The following NEBL variants were observed in gnomAD, a reference collection of about 807,000 sequenced individuals.
The protein encoded by NEBL is nebulette, also known as LIM and SH3 protein 2.
In NEBL, 122 loss-of-function variants were observed where a neutral mutation model predicts 140.2. The observed-to-expected ratio is 0.87, with a 90% confidence interval of 0.75 to 1.01. The LOEUF is 1.01. NEBL is among the 50% of genes least tolerant of loss of function. The pLI is 0.00. For missense variants in NEBL, 1,365 were observed against 1,231.3 expected, an observed-to-expected ratio of 1.11 and a Z score of -1.62; for synonymous variants, 436 against 398.9, an observed-to-expected ratio of 1.09 and a Z score of -1.11.
In NEBL at chr10:21,173,126, C is replaced by T. The variant is rs55772855; in HGVS notation, c.69+639G>A. On this transcript the variant is annotated intron_variant, in intron 1 of 6. Coordinates refer to the NEBL transcript ENST00000417816. This position sits in a 1 kb window ranked among gnomAD's most constrained non-coding sequence, Gnocchi z 5.7. ...TCTCTCCCGGGCTGTTCATCTCCGT[C>T]CCTGCCCGGGAAGGGCAGGGGGCAG... Among the ~76,000 whole-genome samples, 3,767 of 152,264 alleles carry T rather than the reference C, an allele frequency of 0.025. 170 individuals carry two copies. The highest frequency in any genetic ancestry group is 0.086 in the African/African-American group (3,565 of 41,546).
intron 7 of NEBL, among the ~76,000 whole-genome samples, chr10:20,861,782 CTT>C (rs1423442616): frequency 6.6e-6 from 1 of 152,148 alleles, no homozygotes; most frequent in African/African-American, 2.4e-5. Context: ...TGATAAATTC[CTT>C]TGTTATTAAA....
chr10:21,185,673 T>G (rs865788722), intron 3 of NEBL, among the ~76,000 whole-genome samples: 37 of 151,858 alleles, frequency 2.4e-4, no homozygotes, highest in African/African-American at 8.5e-4. Flanking sequence ...ATTTTTGTAT[T>G]TTTAGTAGAG....
intron 9 of NEBL, among the ~76,000 whole-genome samples, chr10:20,853,768 T>A (rs1842776081): frequency 6.6e-6 from 1 of 151,926 alleles, no homozygotes; most frequent in South Asian, 2.1e-4. Flanking sequence ...GTGGAGATGG[T>A]TAAGGAGTGC....
intron 2 of NEBL, among the ~76,000 whole-genome samples, chr10:21,071,261 G>A (rs1466769184): frequency 6.7e-6 from 1 of 150,228 alleles, no homozygotes; most frequent in South Asian, 2.1e-4. Context: ...AACGGGTATG[G>A]TGGAAGGTCC....
At chr10:20,793,694 C>G (rs529905044) in intron 26 of NEBL, among the ~76,000 whole-genome samples, 12 of 152,134 alleles carry the variant, frequency 7.9e-5, no homozygotes, top group African/African-American at 2.4e-4. Flanking sequence ...GCTGGGACTA[C>G]AGGTGCATGC....
intron 20 of NEBL, chr10:20,819,197 C>G: frequency 1.1e-6 from 1 of 895,192 alleles, no homozygotes; most frequent in Middle Eastern, 3.8e-4. Flanking sequence ...AGTTACTTTT[C>G]CGGATCCTCT....
At chr10:20,970,338 C>CA (rs1347806560) in intron 3 of NEBL, among the ~76,000 whole-genome samples, 8 of 151,816 alleles carry the variant, frequency 5.3e-5, no homozygotes, top group Non-Finnish European at 1.2e-4. Context: ...CTTTTTGGAT[C>CA]AAAAAAAGAA....
chr10:21,112,308 C>T (rs1838052037), intron 2 of NEBL, among the ~76,000 whole-genome samples: 1 of 152,104 alleles, frequency 6.6e-6, no homozygotes, highest in South Asian at 2.1e-4. Context: ...TATTGCAGCA[C>T]TATTTACAAT....
intron 1 of NEBL, among the ~76,000 whole-genome samples, chr10:21,281,633 TG>T (rs1213370521): frequency 6.6e-6 from 1 of 152,138 alleles, no homozygotes; most frequent in Non-Finnish European, 1.5e-5. Context: ...CACACCAGTG[TG>T]GGACATTTGT....
intron 7 of NEBL, among the ~76,000 whole-genome samples, chr10:20,862,677 C>G (rs1213514296): frequency 6.6e-6 from 1 of 152,120 alleles, no homozygotes; most frequent in African/African-American, 2.4e-5. Flanking sequence ...AAGGCATAAC[C>G]CTTTCAGTTT....
chr10:20,987,396 C>A (rs1244563360), intron 3 of NEBL, among the ~76,000 whole-genome samples: 1 of 152,136 alleles, frequency 6.6e-6, no homozygotes, highest in African/African-American at 2.4e-5. Context: ...GGATGACACA[C>A]CCATTACTCC....
chr10:20,963,356 G>C (rs1029867042), intron 3 of NEBL, among the ~76,000 whole-genome samples: 8 of 152,070 alleles, frequency 5.3e-5, no homozygotes, highest in African/African-American at 1.9e-4. Context: ...AAGTTAAAAG[G>C]ATGACAAGGT....
At chr10:21,009,011 A>G (rs1159616894) in intron 3 of NEBL, among the ~76,000 whole-genome samples, 1 of 151,974 alleles carries the variant, frequency 6.6e-6, no homozygotes, top group Admixed American at 6.6e-5. Context: ...TGAAGAATAA[A>G]ATATTCTAGA....
chr10:21,125,409 G>A (rs1321938330), intron 2 of NEBL, among the ~76,000 whole-genome samples: 1 of 152,136 alleles, frequency 6.6e-6, no homozygotes, highest in East Asian at 1.9e-4. Flanking sequence ...TTTAAATTGG[G>A]GGTTGGGGAG....
At chr10:21,142,827 G>A (rs1317568150) in intron 2 of NEBL, among the ~76,000 whole-genome samples, 1 of 152,098 alleles carries the variant, frequency 6.6e-6, no homozygotes, top group Non-Finnish European at 1.5e-5. Flanking sequence ...ACTAATGCCT[G>A]AAGATCTGAG....
At chr10:21,139,417 C>T (rs557607536) in intron 2 of NEBL, among the ~76,000 whole-genome samples, 8 of 152,228 alleles carry the variant, frequency 5.3e-5, no homozygotes, top group Admixed American at 2.6e-4. Context: ...TGAGGATACC[C>T]TACGTCCACT....
At chr10:20,925,263 C>T (rs1376270678) in intron 4 of NEBL, among the ~76,000 whole-genome samples, 1 of 152,100 alleles carries the variant, frequency 6.6e-6, no homozygotes, top group Admixed American at 6.5e-5. Context: ...CTGTTCTTCA[C>T]TTTCTTTTTA....
intron 1 of NEBL, among the ~76,000 whole-genome samples, chr10:21,270,172 C>T (rs141122733): frequency 6.6e-6 from 1 of 152,216 alleles, no homozygotes; most frequent in African/African-American, 2.4e-5. Context: ...ACTGCAACTC[C>T]CCTACAGTTT....
At chr10:21,008,449 G>A (rs892010875) in intron 3 of NEBL, among the ~76,000 whole-genome samples, 1 of 151,792 alleles carries the variant, frequency 6.6e-6, no homozygotes, top group Admixed American at 6.6e-5. Context: ...AGATTTTTGG[G>A]GAACAGATGG....
Sources: gnomAD v4.1 joint callset for allele counts (sites outside exome capture counted in the v4.1 genomes callset) on GRCh38, gnomAD v4.1.1 for gene constraint, Gnocchi (gnomAD v3.1) non-coding constraint, MANE v1.5 for transcripts, NCBI Gene and HGNC (gene_info 2026-07-23, HGNC 2026-07-21) for gene names.